MIER2: variants seen among roughly 807,000 people sequenced by gnomAD.
MIER2 encodes MIER family member 2.
In MIER2, 30 loss-of-function variants were observed where a neutral mutation model predicts 67.6. That is an observed-to-expected ratio of 0.44 (90% CI 0.33 to 0.60). The LOEUF (loss-of-function observed/expected upper bound fraction) is 0.60, where lower values mean the gene tolerates loss of function less well. Among genes scored for constraint, MIER2 ranks in the 20% least tolerant of loss-of-function variants. The pLI, the probability that MIER2 is intolerant of heterozygous loss-of-function variation, is 0.02. For synonymous variants in MIER2, 372 were observed against 312.6 expected, an observed-to-expected ratio of 1.19 and a Z score of -2.00; for missense variants, 702 against 745.1, an observed-to-expected ratio of 0.94 and a Z score of 0.67.
chr19:317,299 G>A (rs886994177), intron 7 of MIER2, among the ~76,000 whole-genome samples: 14 of 152,080 alleles, frequency 9.2e-5, no homozygotes, highest in East Asian at 1.9e-4. Flanking sequence ...AGGCTGAGGC[G>A]GGCGGATCAC....
intron 7 of MIER2, among the ~76,000 whole-genome samples, chr19:325,339 C>T (rs1568229043): frequency 6.6e-6 from 1 of 152,146 alleles, no homozygotes; most frequent in Admixed American, 6.5e-5. Context: ...TGTGGGGAGG[C>T]GGCTGGAGTC....
Position 311,836 on chromosome 19 carries a change from A to G in MIER2, c.984+9T>C, listed in dbSNP as rs1327393325. On this transcript the variant is annotated intron_variant, in intron 10 of 13. Coordinates refer to ENST00000264819, the MANE Select transcript of MIER2 (RefSeq NM_017550.3). ...AGCCCCCGGTGGAGCCTGGCAGTGG[A>G]GTCCGCACCTTGTTGGCCTGGATCA... 6.2e-7 allele frequency: 1 copy of G among 1,613,814 alleles called. No homozygotes were observed. Among genetic ancestry groups the G allele is most frequent in the African/African-American group, 1.3e-5 (1 of 74,924 alleles).
Position 309,022 on chromosome 19 carries a change from A to T in MIER2, c.985-97T>A. 4 of 1,505,124 alleles carry T rather than the reference A, an allele frequency of 2.7e-6. No homozygotes were observed. The South Asian group carries it at 5.1e-5, about 19-fold the overall frequency. 93.2% of individuals were successfully genotyped at this position (1,505,124 alleles called of 1,614,324 possible). On this transcript the variant is annotated intron_variant, in intron 10 of 13. Coordinates refer to ENST00000264819, the MANE Select transcript of MIER2 (RefSeq NM_017550.3). The stretch of plus-strand genomic sequence containing the variant: ...ACGTCCTGGGACCCCGGGACAGCAC[A>T]GAAGGAGCACAGCACCCACCACTCT...
chr19:322,854 G>C (rs117666121), intron 7 of MIER2, among the ~76,000 whole-genome samples: 1,961 of 152,260 alleles, frequency 0.013, 22 homozygotes, highest in Non-Finnish European at 0.018. Flanking sequence ...AACCAACCAT[G>C]ACCGCAGCCC....
rs1970766141 is a variant in MIER2 at position 308,447 on chromosome 19, C to A, written c.1198+130G>T. On this transcript the variant is annotated intron_variant, in intron 12 of 13. Transcript: ENST00000264819. This position sits in a 1 kb window ranked among gnomAD's most constrained non-coding sequence, Gnocchi z 9.1. ...ACATCACGTGGCTGCCCTCCGCCAC[C>A]CAGACGCCCACTCCTCCTGGCGAGG... 3 of 975,248 alleles carry A rather than the reference C, an allele frequency of 3.1e-6. No homozygotes were observed. The highest frequency in any genetic ancestry group is 4.5e-6 in the Non-Finnish European group (3 of 670,884). The allele number at this position is 975,248 out of a possible 1,614,324, so 60.4% of individuals were successfully genotyped here.
At chr19:316,547 C>T (rs1413895876) in intron 7 of MIER2, among the ~76,000 whole-genome samples, 1 of 152,198 alleles carries the variant, frequency 6.6e-6, no homozygotes, top group Non-Finnish European at 1.5e-5. Flanking sequence ...GCCTCGGCCT[C>T]CCAAAGTGCT....
intron 1 of MIER2, chr19:344,107 G>A (rs1972629594): frequency 1.0e-6 from 1 of 985,418 alleles, no homozygotes; most frequent in Non-Finnish European, 1.2e-6. Context: ...GAGGGAGGAG[G>A]CTCCAGAAGT....
In MIER2 at chr19:327,173, G is replaced by C. The variant is rs189736856; in HGVS notation, c.453C>G (p.Thr151=). Residue 151 remains threonine, a synonymous_variant, in exon 5 of 14, where the codon ACC becomes ACG. Coordinates refer to ENST00000264819, the MANE Select transcript of MIER2 (RefSeq NM_017550.3). ...GGAAGAGGTCGGAGGCCTCGTGGGA[G>C]GTCACGGACGGGGTGAGGTCGTCAG... ...SSADDLTPSV[T]SHEASDLFPN... The C allele has an allele frequency of 1.2e-4, 191 of 1,594,856 alleles. 1 individual carries two copies. In the South Asian group the frequency reaches 2.1e-3, roughly 18 times the overall value.
intron 4 of MIER2, among the ~76,000 whole-genome samples, chr19:327,623 G>A (rs1459675806): frequency 6.6e-6 from 1 of 152,236 alleles, no homozygotes; most frequent in African/African-American, 2.4e-5. Flanking sequence ...CCAGTCCTGG[G>A]GAGGCCCCGA....
chr19:336,995 A>G (rs566847066), intron 1 of MIER2, among the ~76,000 whole-genome samples: 2 of 152,022 alleles, frequency 1.3e-5, no homozygotes, highest in South Asian at 2.1e-4. Context: ...GGTGCGCACC[A>G]CCACGCCCAG....
intron 2 of MIER2, among the ~76,000 whole-genome samples, chr19:335,077 C>G (rs187932578): frequency 1.3e-5 from 2 of 152,260 alleles, no homozygotes; most frequent in African/African-American, 2.4e-5. Context: ...CATGGCCCAA[C>G]AGTTGACGGC....
chr19:318,344 C>T (rs920959787), intron 7 of MIER2, among the ~76,000 whole-genome samples: 4 of 152,088 alleles, frequency 2.6e-5, no homozygotes, highest in Non-Finnish European at 2.9e-5. Context: ...TACTTATTTA[C>T]GGTAAGAAGT....
At position 308,688 on chromosome 19, in the gene MIER2, G is replaced by A. The variant is rs1970782317; in HGVS notation, c.1110-23C>T. 1.3e-6 allele frequency: 2 copies of A among 1,599,840 alleles called. No individual in the cohort carries two copies. Among genetic ancestry groups the A allele is most frequent in the East Asian group, 2.3e-5 (1 of 44,422 alleles). On this transcript the variant is annotated intron_variant, in intron 11 of 13. Transcript: ENST00000264819. This position sits in a 1 kb window ranked among gnomAD's most constrained non-coding sequence, Gnocchi z 9.1. Reference sequence around the variant, plus strand: ...TCCCTGTGGGGAGAGGGCGCCATGAGGGGCGGCAGACAGGACAGACGCCCC... The same window carrying A: ...TCCCTGTGGGGAGAGGGCGCCATGAAGGGCGGCAGACAGGACAGACGCCCC...
At chr19:324,810 A>C (rs760081464) in intron 7 of MIER2, among the ~76,000 whole-genome samples, 1 of 152,206 alleles carries the variant, frequency 6.6e-6, no homozygotes, top group East Asian at 1.9e-4. Context: ...AAGGGCCCTG[A>C]TGACAGACTC....
At chr19:331,873 C>T (rs1342880950) in intron 3 of MIER2, among the ~76,000 whole-genome samples, 2 of 151,770 alleles carry the variant, frequency 1.3e-5, no homozygotes, top group African/African-American at 2.4e-5. Context: ...CCCAGCTACT[C>T]GGGAGGCTGA....
intron 1 of MIER2, among the ~76,000 whole-genome samples, chr19:337,937 G>A (rs1014734608): frequency 2.0e-5 from 3 of 150,272 alleles, no homozygotes; most frequent in African/African-American, 7.4e-5. Context: ...ACTTTGGGAG[G>A]CCGAGGTGGG....
chr19:325,639 C>T lies in MIER2; in HGVS notation c.651G>A (p.Glu217=). The part of the protein sequence containing the change: ...LSNLHLNRHC[E]KIYENEDQLL... The stretch of plus-strand genomic sequence containing the variant: ...CTCTCCCCAGGCCCTACTTACTCTT[C>T]TCACAGTGCCGGTTCAAGTGCAGGT... The change falls in exon 7 of 14, where the codon GAG becomes GAA. Residue 217 remains glutamate, a synonymous_variant. Coordinates refer to ENST00000264819, the MANE Select transcript of MIER2 (RefSeq NM_017550.3). 6.2e-7 allele frequency: 1 copy of T among 1,614,224 alleles called. No individual in the cohort carries two copies. The highest frequency in any genetic ancestry group is 8.5e-7 in the Non-Finnish European group (1 of 1,180,042).
chr19:310,206 T>A (rs994793823), intron 10 of MIER2, among the ~76,000 whole-genome samples: 4 of 152,144 alleles, frequency 2.6e-5, no homozygotes, highest in Admixed American at 6.5e-5. Context: ...CCACTGCTGG[T>A]GATGGCGGAA....
intron 3 of MIER2, among the ~76,000 whole-genome samples, chr19:333,898 T>TA (rs1338193630): frequency 6.6e-6 from 1 of 152,076 alleles, no homozygotes; most frequent in African/African-American, 2.4e-5. Context: ...TTCACCGTGT[T>TA]AGCCAGGACG....
Sources: gnomAD v4.1 joint callset for allele counts (sites outside exome capture counted in the v4.1 genomes callset) on GRCh38, gnomAD v4.1.1 for gene constraint, Gnocchi (gnomAD v3.1) non-coding constraint, MANE v1.5 for transcripts, NCBI Gene and HGNC (gene_info 2026-07-23, HGNC 2026-07-21) for gene names.